The following CATSPERE variants were observed in gnomAD, a reference collection of about 807,000 sequenced individuals.
CATSPERE encodes catsper channel auxiliary subunit epsilon.
CATSPERE carries 93 observed loss-of-function variants against 114.1 expected under a neutral mutation model. That is an observed-to-expected ratio of 0.81 (90% CI 0.69 to 0.97). The LOEUF (loss-of-function observed/expected upper bound fraction) is 0.97, where lower values mean the gene tolerates loss of function less well. CATSPERE is among the 50% of genes least tolerant of loss of function. The probability of loss-of-function intolerance (pLI) is 0.00; values close to 1 mark genes in which losing one functional copy is unlikely to be tolerated. For missense variants in CATSPERE, 1,058 were observed against 1,131.6 expected (o/e 0.93, Z 0.93); for synonymous variants, 341 against 384.1 (o/e 0.89, Z 1.31).
chr1:244,589,734 C>A (rs1417537932), intron 14 of CATSPERE, among the ~76,000 whole-genome samples: 1 of 152,150 alleles, frequency 6.6e-6, no homozygotes, highest in East Asian at 1.9e-4. Context: ...CCTTCTCAGG[C>A]CCGATTTCCT....
At chr1:244,481,845 A>T (rs1159100559) in intron 5 of CATSPERE, among the ~76,000 whole-genome samples, 2 of 152,214 alleles carry the variant, frequency 1.3e-5, no homozygotes. Context: ...CTCCAGAACT[A>T]TGAGAAATAA....
At chr1:244,598,931 G>T (rs1668801415) in intron 17 of CATSPERE, among the ~76,000 whole-genome samples, 1 of 152,030 alleles carries the variant, frequency 6.6e-6, no homozygotes, top group Admixed American at 6.6e-5. Context: ...CCTTGTATCT[G>T]TCAAGTATGC....
chr1:244,507,902 G>A (rs72767892), intron 7 of CATSPERE, among the ~76,000 whole-genome samples: 7,893 of 152,168 alleles, frequency 0.052, 227 homozygotes, highest in Non-Finnish European at 0.064. Flanking sequence ...GTCAGGTTGT[G>A]TATGCCCCTA....
chr1:244,520,120 C>T (rs1463956983), intron 8 of CATSPERE, among the ~76,000 whole-genome samples: 2 of 152,174 alleles, frequency 1.3e-5, no homozygotes, highest in Non-Finnish European at 2.9e-5. Flanking sequence ...CCTTAAAGCA[C>T]AGAAGTTTTA....
At chr1:244,466,619 A>T (rs1354907924) in intron 2 of CATSPERE, among the ~76,000 whole-genome samples, 1 of 151,944 alleles carries the variant, frequency 6.6e-6, no homozygotes, top group Non-Finnish European at 1.5e-5. Context: ...AGCAGTAACC[A>T]CTCTAGATAT....
chr1:244,492,195 A>G (rs1265813641), intron 6 of CATSPERE, among the ~76,000 whole-genome samples: 2 of 151,852 alleles, frequency 1.3e-5, no homozygotes, highest in Admixed American at 6.5e-5. Context: ...AAAATCCTCA[A>G]TAAAATACTG....
intron 15 of CATSPERE, among the ~76,000 whole-genome samples, chr1:244,592,524 A>C (rs1435527360): frequency 2.6e-5 from 4 of 152,254 alleles, no homozygotes; most frequent in African/African-American, 9.6e-5. Context: ...AATTCTAATT[A>C]GAAATTATTA....
intron 7 of CATSPERE, among the ~76,000 whole-genome samples, chr1:244,514,480 T>G (rs1358056229): frequency 6.6e-6 from 1 of 152,120 alleles, no homozygotes; most frequent in Admixed American, 6.6e-5. Context: ...TGGTGGTAAT[T>G]ACGTGAATCT....
upstream of CATSPERE, among the ~76,000 whole-genome samples, chr1:244,451,345 C>G (rs1349544549): frequency 6.6e-6 from 1 of 152,186 alleles, no homozygotes; most frequent in Admixed American, 6.5e-5. This position sits in a 1 kb window ranked among gnomAD's most constrained non-coding sequence, Gnocchi z 6.6. Context: ...CACCACTCGC[C>G]AGACGCAAAA....
At chr1:244,566,456 T>A (rs544363325) in intron 10 of CATSPERE, among the ~76,000 whole-genome samples, 1 of 152,066 alleles carries the variant, frequency 6.6e-6, no homozygotes, top group South Asian at 2.1e-4. Context: ...TGTGTGGGAG[T>A]CTAAGTCTCT....
intron 7 of CATSPERE, among the ~76,000 whole-genome samples, chr1:244,511,015 G>T (rs374469270): frequency 3.3e-5 from 5 of 151,540 alleles, no homozygotes; most frequent in Admixed American, 6.6e-5. Flanking sequence ...GGCTAATTTT[G>T]TATTTTTAGT....
chr1:244,496,469 T>C (rs59659839), intron 6 of CATSPERE, among the ~76,000 whole-genome samples: 40 of 152,330 alleles, frequency 2.6e-4, no homozygotes, highest in African/African-American at 9.1e-4. Flanking sequence ...TTGACTCATG[T>C]GTGAGCTGGT....
chr1:244,555,985 A>C (rs918581362), intron 9 of CATSPERE, among the ~76,000 whole-genome samples: 1 of 152,170 alleles, frequency 6.6e-6, no homozygotes, highest in Non-Finnish European at 1.5e-5. Context: ...AAAAGCCAGG[A>C]GTTTGAGACC....
At chr1:244,580,651 A>G (rs1202837623) in intron 11 of CATSPERE, among the ~76,000 whole-genome samples, 6 of 152,112 alleles carry the variant, frequency 3.9e-5, no homozygotes, top group Non-Finnish European at 8.8e-5. Context: ...GTTTTCCCTG[A>G]TCAGAATTGT....
At chr1:244,533,359 G>T (rs1032066130) in intron 8 of CATSPERE, among the ~76,000 whole-genome samples, 3 of 152,172 alleles carry the variant, frequency 2.0e-5, no homozygotes, top group Non-Finnish European at 4.4e-5. Context: ...TACATCCAGT[G>T]TTATTATTGA....
At chr1:244,639,825 T>C in intron 21 of CATSPERE, 103 bp from the exon 22 acceptor site, 1 of 1,073,332 alleles carries the variant, frequency 9.3e-7, no homozygotes, top group Admixed American at 2.6e-5. Flanking sequence ...TTGCTCTCTG[T>C]CAATGGCATA....
At chr1:244,553,350 A>G (rs1242527318) in intron 9 of CATSPERE, among the ~76,000 whole-genome samples, 5 of 151,894 alleles carry the variant, frequency 3.3e-5, no homozygotes, top group Non-Finnish European at 5.9e-5. Flanking sequence ...TCACAATGTC[A>G]GGAGATGGAG....
chr1:244,531,235 CA>C lies in CATSPERE; in HGVS notation c.536+12561del, dbSNP rs60936159. On this transcript the variant is annotated intron_variant, in intron 8 of 21. Transcript: ENST00000366534. The stretch of plus-strand genomic sequence containing the variant: ...TGGGCAACAGAGGGAGACTCAGTCT[CA>C]AAAAAAAAAAAAAAAAAAAAAAAGA... Among the ~76,000 whole-genome samples, 548 of 60,392 alleles carry C rather than the reference CA, an allele frequency of 9.1e-3. 1 individual carries two copies. Among genetic ancestry groups the C allele is most frequent in the Middle Eastern group, 0.04 (5 of 126 alleles). 39.6% of individuals were successfully genotyped at this position (60,392 alleles called of 152,430 possible). A position where few individuals can be genotyped will look rare whatever the true frequency, so the allele number is the denominator to read the frequency against.
intron 11 of CATSPERE, among the ~76,000 whole-genome samples, chr1:244,579,352 T>C (rs1457587764): frequency 3.9e-5 from 6 of 152,242 alleles, no homozygotes; most frequent in African/African-American, 1.4e-4. Flanking sequence ...TGTGTAAGTT[T>C]TGATAAATTT....
Sources: allele counts gnomAD v4.1 joint callset (sites outside exome capture counted in the v4.1 genomes callset), GRCh38; gene constraint gnomAD v4.1.1; non-coding constraint Gnocchi (gnomAD v3.1); transcripts MANE v1.5; gene names NCBI Gene and HGNC (gene_info 2026-07-23, HGNC 2026-07-21).